The following CPNE4 variants were observed in gnomAD, a reference collection of about 807,000 sequenced individuals.
CPNE4 encodes copine-4.
In CPNE4, 25 loss-of-function variants were observed where a neutral mutation model predicts 67.9. That is an observed-to-expected ratio of 0.37 (90% confidence interval 0.27 to 0.51). CPNE4 has a LOEUF of 0.51. Among genes scored for constraint, CPNE4 ranks in the 20% least tolerant of loss-of-function variants. The pLI, the probability that CPNE4 is intolerant of heterozygous loss-of-function variation, is 0.93. For missense variants in CPNE4, 464 were observed against 690.8 expected (o/e 0.67, Z 3.68); for synonymous variants, 242 against 244.9 (o/e 0.99, Z 0.11).
intron 8 of CPNE4, 41 bp downstream of exon 8, chr3:131,587,443 A>C: frequency 1.2e-5 from 16 of 1,311,248 alleles, no homozygotes; most frequent in African/African-American, 1.4e-5. Context: ...AGGATGCATC[A>C]TACCGACTGG....
chr3:131,542,591 ATG>A lies in CPNE4; in HGVS notation c.1503_1504del (p.Ile502ArgfsTer24). On this transcript the variant is annotated frameshift_variant, in exon 15 of 16. Coordinates refer to ENST00000429747, the MANE Select transcript of CPNE4 (RefSeq NM_130808.3). LOFTEE classifies it high-confidence loss of function. ...GTTCCTGAAGGGCACGAACTGGACG[ATG>A]TCTCGAAGAACAGGCTCTCCCTTGG... 6.2e-7 allele frequency: 1 copy of A among 1,614,064 alleles called. No homozygotes were observed. The highest frequency in any genetic ancestry group is 8.5e-7 in the Non-Finnish European group (1 of 1,179,960).
chr3:131,837,505 C>T (rs764571660), intron 2 of CPNE4, among the ~76,000 whole-genome samples: 1 of 151,964 alleles, frequency 6.6e-6, no homozygotes, highest in East Asian at 1.9e-4. Context: ...TGATGGAGAA[C>T]GGATTAGTGA....
rs560652212 is a variant in CPNE4 at position 131,994,536 on chromosome 3, T to A, written c.-2+40031A>T. ...TATATGCATATTAAAGTCTGAGAAG[T>A]GCAATGTTAGTGTGATTTTTCACTT... On this transcript the variant is annotated intron_variant, in intron 1 of 15. Coordinates refer to ENST00000429747, the MANE Select transcript of CPNE4 (RefSeq NM_130808.3). Among the ~76,000 whole-genome samples, 4 of 85,748 alleles carry A rather than the reference T, an allele frequency of 4.7e-5. 1 individual carries two copies. In the South Asian group the frequency reaches 1.9e-3, roughly 40 times the overall value. The allele number at this position is 85,748 out of a possible 152,430, so 56.3% of individuals were successfully genotyped here.
At chr3:131,749,820 A>G (rs138964757) in intron 2 of CPNE4, among the ~76,000 whole-genome samples, 1 of 152,182 alleles carries the variant, frequency 6.6e-6, no homozygotes, top group East Asian at 1.9e-4. Flanking sequence ...TCATCCTTTT[A>G]CTTTTAACCT....
intron 1 of CPNE4, among the ~76,000 whole-genome samples, chr3:131,931,710 GC>G (rs2071065754): frequency 6.6e-6 from 1 of 151,970 alleles, no homozygotes; most frequent in Admixed American, 6.6e-5. Context: ...CCAAAAATCA[GC>G]CTAAAGTCAG....
chr3:131,822,590 C>A (rs1403458911), intron 2 of CPNE4, among the ~76,000 whole-genome samples: 1 of 152,078 alleles, frequency 6.6e-6, no homozygotes, highest in African/African-American at 2.4e-5. Context: ...AGCTTTTGTA[C>A]CTATACAGGG....
chr3:131,626,239 A>T (rs2079069904), intron 7 of CPNE4, among the ~76,000 whole-genome samples: 2 of 152,318 alleles, frequency 1.3e-5, no homozygotes, highest in African/African-American at 4.8e-5. Flanking sequence ...TTTAAATCAA[A>T]AGCTATTAAG....
At chr3:131,654,316 A>G (rs1028292363) in intron 7 of CPNE4, among the ~76,000 whole-genome samples, 1 of 152,008 alleles carries the variant, frequency 6.6e-6, no homozygotes, top group African/African-American at 2.4e-5. Context: ...AACTTGTGTC[A>G]TGGGGATTTT....
chr3:131,662,020 G>T (rs1316437738), intron 7 of CPNE4, among the ~76,000 whole-genome samples: 3 of 152,102 alleles, frequency 2.0e-5, no homozygotes, highest in African/African-American at 4.8e-5. Context: ...TTCAGATCTG[G>T]GGGTTGGAAC....
chr3:131,983,236 G>T (rs187908046), intron 1 of CPNE4, among the ~76,000 whole-genome samples: 85 of 152,116 alleles, frequency 5.6e-4, no homozygotes, highest in Non-Finnish European at 1.2e-3. Flanking sequence ...GAAAATTGAT[G>T]CAATTATTTT....
chr3:132,011,977 G>A (rs751631234), intron 1 of CPNE4, among the ~76,000 whole-genome samples: 2 of 152,150 alleles, frequency 1.3e-5, no homozygotes, highest in South Asian at 4.1e-4. Flanking sequence ...GGACTGGCAT[G>A]TCTAATCTTT....
intron 1 of CPNE4, among the ~76,000 whole-genome samples, chr3:131,954,535 T>C (rs1007395569): frequency 6.6e-6 from 1 of 152,348 alleles, no homozygotes; most frequent in Middle Eastern, 3.4e-3. Flanking sequence ...CTAGGGTACA[T>C]GTGCACAACG....
intron 7 of CPNE4, among the ~76,000 whole-genome samples, chr3:131,595,751 C>A (rs1355597005): frequency 6.6e-6 from 1 of 152,130 alleles, no homozygotes; most frequent in Non-Finnish European, 1.5e-5. Flanking sequence ...CCCCTATGAC[C>A]CAAACACCTC....
chr3:131,720,210 T>G (rs1210631354), intron 3 of CPNE4, among the ~76,000 whole-genome samples: 1 of 152,130 alleles, frequency 6.6e-6, no homozygotes, highest in African/African-American at 2.4e-5. Flanking sequence ...TATTTGGAGT[T>G]TGCTACCTGC....
In CPNE4 at chr3:131,555,556, A is replaced by T; in HGVS notation, c.1062-5T>A. On this transcript the variant is annotated splice_region_variant and splice_polypyrimidine_tract_variant and intron_variant, in intron 11 of 15. Transcript: ENST00000429747. ...AAGGCAGGGAACATTTTGTCACTGA[A>T]ACCAAAATGAAGAAAAGAAAAAACA... 6.2e-7 allele frequency: 1 copy of T among 1,611,940 alleles called. No homozygotes were observed. Among genetic ancestry groups the T allele is most frequent in the Non-Finnish European group, 8.5e-7 (1 of 1,178,746 alleles).
At chr3:131,879,813 G>A (rs1413324075) in intron 2 of CPNE4, among the ~76,000 whole-genome samples, 1 of 152,094 alleles carries the variant, frequency 6.6e-6, no homozygotes, top group Non-Finnish European at 1.5e-5. Context: ...CCCCTGTTGA[G>A]GTCAGACCTT....
rs768298078 is a variant in CPNE4, at chr3:131,723,538, G to A, written c.268C>T (p.Arg90Cys). 6.8e-6 allele frequency: 11 copies of A among 1,614,026 alleles called. No individual in the cohort carries two copies. Among genetic ancestry groups the A allele is most frequent in the Middle Eastern group, 3.4e-4 (2 of 5,962 alleles). Reference protein sequence around the residue: ...TVDFYFEEVQRLRFEVHDISS... With the variant: ...TVDFYFEEVQCLRFEVHDISS... The stretch of plus-strand genomic sequence containing the variant: ...ATGTCATGGACTTCAAACCGCAGGC[G>A]CTGCACCTCCTCAAAGTAAAAGTCC... The change falls in exon 3 of 16, where the codon CGC (arginine) becomes TGC (cysteine). Residue 90 changes from arginine to cysteine, a missense_variant. Around this residue, in one of 6 missense-constraint regions of CPNE4, gnomAD observed 170 missense variants for 203.3 expected, o/e 0.84. Coordinates refer to ENST00000429747, the MANE Select transcript of CPNE4 (RefSeq NM_130808.3).
intron 2 of CPNE4, among the ~76,000 whole-genome samples, chr3:131,885,106 T>G (rs1400693389): frequency 6.6e-6 from 1 of 152,198 alleles, no homozygotes; most frequent in Non-Finnish European, 1.5e-5. Flanking sequence ...TTTAGAACTT[T>G]CTAGAGACTT....
intron 3 of CPNE4, among the ~76,000 whole-genome samples, chr3:131,708,286 G>A (rs2081463129): frequency 6.6e-6 from 1 of 152,162 alleles, no homozygotes; most frequent in Non-Finnish European, 1.5e-5. Context: ...GGACACATTA[G>A]AGGAAGGGGA....
Sources: gnomAD v4.1 joint callset for allele counts (sites outside exome capture counted in the v4.1 genomes callset) on GRCh38, gnomAD v4.1.1 for gene constraint, gnomAD v4.1.1 regional missense constraint, MANE v1.5 for transcripts, NCBI Gene and HGNC (gene_info 2026-07-23, HGNC 2026-07-21) for gene names.